Variants in STPG4 observed in about 807,000 individuals in gnomAD.
STPG4 encodes the protein sperm-tail PG-rich repeat containing 4.
Under a neutral mutation model 31.5 loss-of-function variants are expected in STPG4, and 41 were observed. That is an observed-to-expected ratio of 1.30 (90% CI 1.01 to 1.69). The LOEUF (loss-of-function observed/expected upper bound fraction) is 1.69, where lower values mean the gene tolerates loss of function less well. Among genes scored for constraint, STPG4 ranks in the 40% most tolerant of loss-of-function variants. The pLI is 0.00. For missense variants in STPG4, 375 were observed against 293.4 expected (o/e 1.28, Z -2.03); for synonymous variants, 141 against 103.0 (o/e 1.37, Z -2.24).
intron 3 of STPG4, among the ~76,000 whole-genome samples, chr2:47,137,197 A>G (rs12475096): frequency 0.53 from 80,312 of 151,984 alleles, 22,890 homozygotes; most frequent in East Asian, 0.72. Context: ...TCATAAATGG[A>G]TGTTGAATTT....
chr2:47,114,771 A>T (rs1274381861), intron 5 of STPG4, among the ~76,000 whole-genome samples: 1 of 149,674 alleles, frequency 6.7e-6, no homozygotes, highest in East Asian at 1.9e-4. Context: ...ACATTTTTTT[A>T]TTTTTATTTT....
intron 5 of STPG4, among the ~76,000 whole-genome samples, chr2:47,097,856 G>A (rs577805965): frequency 3.6e-4 from 54 of 151,476 alleles, no homozygotes; most frequent in Non-Finnish European, 6.2e-4. Context: ...AGTGGCTCAC[G>A]CCTGTAATCC....
intron 5 of STPG4, among the ~76,000 whole-genome samples, chr2:47,099,100 T>C (rs1405909748): frequency 6.6e-6 from 1 of 152,172 alleles, no homozygotes; most frequent in Admixed American, 6.5e-5. Context: ...GGCTGTCACA[T>C]GGGAGGGGCA....
At chr2:47,147,977 G>A (rs1476121830) in intron 3 of STPG4, among the ~76,000 whole-genome samples, 1 of 144,730 alleles carries the variant, frequency 6.9e-6, no homozygotes, top group Non-Finnish European at 1.5e-5. Flanking sequence ...TTTGAGACCG[G>A]GTCTTGCTCT....
chr2:47,097,753 A>C (rs1441128612), intron 5 of STPG4, among the ~76,000 whole-genome samples: 2 of 152,200 alleles, frequency 1.3e-5, no homozygotes, highest in Non-Finnish European at 2.9e-5. Flanking sequence ...TTACAGCAGC[A>C]GGAATGGACT....
chr2:47,110,986 G>A (rs1686024664), intron 5 of STPG4, among the ~76,000 whole-genome samples: 1 of 152,188 alleles, frequency 6.6e-6, no homozygotes. Flanking sequence ...AGCCACATTT[G>A]AGCAAATTAT....
chr2:47,129,254 T>C (rs1686424613), intron 5 of STPG4: 2 of 152,538 alleles, frequency 1.3e-5, no homozygotes, highest in Non-Finnish European at 2.9e-5. Context: ...GGCTGGGGGA[T>C]GGCTGCTACA....
At chr2:47,103,027 G>T (rs1415086487) in intron 5 of STPG4, among the ~76,000 whole-genome samples, 1 of 151,866 alleles carries the variant, frequency 6.6e-6, no homozygotes, top group East Asian at 1.9e-4. Flanking sequence ...GAGATACCTG[G>T]TATCTTAGTC....
At chr2:47,130,880 A>T (rs956054839) in intron 3 of STPG4, among the ~76,000 whole-genome samples, 5 of 152,038 alleles carry the variant, frequency 3.3e-5, no homozygotes, top group Non-Finnish European at 5.9e-5. Flanking sequence ...TATGGCATGA[A>T]CATAATTCAC....
intron 5 of STPG4, among the ~76,000 whole-genome samples, chr2:47,112,040 T>C (rs551230033): frequency 1.4e-4 from 21 of 152,344 alleles, no homozygotes; most frequent in African/African-American, 4.8e-4. Flanking sequence ...CATAAGATCC[T>C]AGAGCATTTC....
intron 1 of STPG4, among the ~76,000 whole-genome samples, chr2:47,154,193 A>T (rs1382034999): frequency 1.3e-5 from 2 of 152,224 alleles, no homozygotes; most frequent in African/African-American, 4.8e-5. Context: ...TATGAGTACC[A>T]CTGGGCTTTA....
At chr2:47,093,153 T>C (rs10176665) in intron 5 of STPG4, among the ~76,000 whole-genome samples, 129,028 of 152,178 alleles carry the variant, frequency 0.85, 54,793 homozygotes, top group Admixed American at 0.89. Flanking sequence ...GCCATGTAAT[T>C]GGGGCTGCCA....
intron 5 of STPG4, among the ~76,000 whole-genome samples, chr2:47,118,198 CT>C (rs1686190317): frequency 6.6e-6 from 1 of 152,206 alleles, no homozygotes; most frequent in Admixed American, 6.5e-5. Flanking sequence ...TTTATAGCCA[CT>C]CCCCATCACT....
At position 47,151,379 on chromosome 2, in the gene STPG4, A is replaced by G. The variant is rs1686932411; in HGVS notation, c.278T>C (p.Leu93Pro). 6.2e-7 allele frequency: 1 copy of G among 1,614,206 alleles called. No individual in the cohort carries two copies. ...AGGCATATACTGCGGAAGATCATTT[A>G]GGACTGGATTGTTTCTTTGCACAAG... is the stretch of plus-strand genomic sequence containing the variant. ...PPLVQRNNPV[L>P]NDLPQYMPPD... is the part of the protein sequence containing the mutation. The change falls in exon 3 of 7, where the codon CTA becomes CCA. Residue 93 changes from leucine (L) to proline (P), a missense_variant. Coordinates refer to ENST00000445927, the MANE Select transcript of STPG4 (RefSeq NM_001163561.2).
intron 5 of STPG4, among the ~76,000 whole-genome samples, chr2:47,124,815 C>T (rs1686335063): frequency 6.6e-6 from 1 of 152,110 alleles, no homozygotes; most frequent in South Asian, 2.1e-4. Context: ...CATATGGTAG[C>T]TCTATGTTTA....
chr2:47,118,543 T>C (rs1162251467), intron 5 of STPG4, among the ~76,000 whole-genome samples: 3 of 152,192 alleles, frequency 2.0e-5, no homozygotes, highest in African/African-American at 4.8e-5. Context: ...ACTCCAACCC[T>C]GGTCCATGGA....
chr2:47,119,826 G>A (rs1416098643), intron 5 of STPG4, among the ~76,000 whole-genome samples: 3 of 152,194 alleles, frequency 2.0e-5, no homozygotes, highest in East Asian at 1.9e-4. Flanking sequence ...CCTGACCTCC[G>A]CAGTGGCTTG....
intron 5 of STPG4, among the ~76,000 whole-genome samples, chr2:47,098,481 G>C (rs1441337244): frequency 6.6e-6 from 1 of 152,174 alleles, no homozygotes. Context: ...GGGCTGGAAA[G>C]TATCAGTAGT....
At chr2:47,093,038 G>A (rs1013301962) in intron 5 of STPG4, among the ~76,000 whole-genome samples, 5 of 152,114 alleles carry the variant, frequency 3.3e-5, no homozygotes, top group Admixed American at 1.3e-4. Flanking sequence ...TGATCTGCCC[G>A]CCTCAGCCTC....
Sources: allele counts gnomAD v4.1 joint callset (sites outside exome capture counted in the v4.1 genomes callset), GRCh38; gene constraint gnomAD v4.1.1; transcripts MANE v1.5; gene names NCBI Gene and HGNC (gene_info 2026-07-23, HGNC 2026-07-21).